Variants in SLC7A2 observed in about 807,000 individuals in gnomAD.
SLC7A2 encodes the protein solute carrier family 7 member 2.
SLC7A2 carries 48 observed loss-of-function variants against 58.9 expected under a neutral mutation model. The ratio of observed to expected loss-of-function variants is 0.82; its 90% CI spans 0.65 to 1.04. SLC7A2 has a LOEUF of 1.04. Among genes scored for constraint, SLC7A2 ranks in the 50% least tolerant of loss-of-function variants. The probability of loss-of-function intolerance (pLI) is 0.00; values close to 1 mark genes in which losing one functional copy is unlikely to be tolerated. For missense variants in SLC7A2, 1,029 were observed against 818.8 expected, an observed-to-expected ratio of 1.26 and a Z score of -3.13; for synonymous variants, 363 against 314.5, an observed-to-expected ratio of 1.15 and a Z score of -1.63.
chr8:17,494,915 T>G (rs13268582), upstream of SLC7A2, among the ~76,000 whole-genome samples: 60,161 of 152,074 alleles, frequency 0.4, 12,919 homozygotes, highest in East Asian at 0.55. Flanking sequence ...ACACAGCACG[T>G]TCTTGCTTCA....
rs778366067 is a variant in SLC7A2 at position 17,560,350 on chromosome 8, G to A, written c.1321G>A (p.Asp441Asn). ...TAGGTACCAGCCTGGCTTATCTTAC[G>A]ACCAGCCCAAATGTTCTCCTGAGAA... is the stretch of plus-strand genomic sequence containing the variant. ...ILRYQPGLSYDQPKCSPEKDG... is the reference protein window; with the variant it reads ...ILRYQPGLSYNQPKCSPEKDG... Residue 441 changes from aspartate (D) to asparagine (N), a missense_variant, in exon 10 of 13, where the codon GAC becomes AAC. By Grantham distance (23) the Asp-to-Asn change is conservative. Coordinates refer to ENST00000494857, the MANE Select transcript of SLC7A2 (RefSeq NM_001370338.1). The A allele has an allele frequency of 5.6e-6, 9 of 1,613,814 alleles. No individual in the cohort carries two copies. Among genetic ancestry groups the A allele is most frequent in the East Asian group, 2.2e-5 (1 of 44,882 alleles).
At chr8:17,549,624 A>C (rs1413711322) in intron 5 of SLC7A2, among the ~76,000 whole-genome samples, 3 of 152,184 alleles carry the variant, frequency 2.0e-5, no homozygotes, top group South Asian at 4.1e-4. Context: ...ATGCTTTAGT[A>C]ATCTTCAGAC....
chr8:17,502,681 G>T (rs1335917836), intron 2 of SLC7A2, among the ~76,000 whole-genome samples: 2 of 152,086 alleles, frequency 1.3e-5, no homozygotes, highest in East Asian at 3.9e-4. Flanking sequence ...ACAAGAAATT[G>T]ATTCACAGTT....
chr8:17,559,847 A>G (rs1585267989), intron 9 of SLC7A2, among the ~76,000 whole-genome samples: 1 of 152,244 alleles, frequency 6.6e-6, no homozygotes, highest in Admixed American at 6.5e-5. Context: ...AAGTGGCAGG[A>G]TGGTCAGATG....
At chr8:17,494,664 T>A (rs904958013), upstream of SLC7A2, among the ~76,000 whole-genome samples, 1 of 152,218 alleles carries the variant, frequency 6.6e-6, no homozygotes, top group East Asian at 1.9e-4. Flanking sequence ...CTTAAGAGAC[T>A]CATACTAAAT....
intron 2 of SLC7A2, among the ~76,000 whole-genome samples, chr8:17,535,506 C>T (rs999847804): frequency 3.9e-5 from 6 of 152,070 alleles, no homozygotes; most frequent in African/African-American, 9.7e-5. Context: ...GCAGGTGGCA[C>T]GAGGGAAGAA....
rs1283965280 is a variant in SLC7A2 at position 17,560,404 on chromosome 8, A to G, written c.1375A>G (p.Thr459Ala). 1.1e-5 allele frequency: 17 copies of G among 1,614,156 alleles called. No homozygotes were observed. Among genetic ancestry groups the G allele is most frequent in the Non-Finnish European group, 1.4e-5 (17 of 1,180,004 alleles). ...KDGLGSSPRV[T>A]SKSESQVTML... ...TGGTCTGGGATCGTCTCCCAGGGTA[A>G]CCTCGAAGAGTGAGTCCCAGGTCAC... The change falls in exon 10 of 13, where the codon ACC becomes GCC. Residue 459 changes from threonine (T) to alanine (A), a missense_variant. Thr to Ala is a moderately conservative substitution (Grantham distance 58). Transcript: ENST00000494857.
Position 17,551,847 on chromosome 8 carries a change from G to T in SLC7A2, c.916G>T (p.Val306Phe), listed in dbSNP as rs779023834. 4 of 1,613,758 alleles carry T rather than the reference G, an allele frequency of 2.5e-6. No individual in the cohort carries two copies. The highest frequency in any genetic ancestry group is 3.4e-6 in the Non-Finnish European group (4 of 1,179,998). ...LLVCFMAYFG[V>F]SAALTLMMPY... ...TGTTTGCTTTATGGCCTATTTTGGG[G>T]TCTCTGCAGCTTTAACACTTATGAT... The change falls in exon 7 of 13, where the codon GTC becomes TTC. Residue 306 changes from valine (V) to phenylalanine (F), a missense_variant. Val to Phe is a conservative substitution (Grantham distance 50, BLOSUM62 -1). Coordinates refer to ENST00000494857, the MANE Select transcript of SLC7A2 (RefSeq NM_001370338.1).
intron 2 of SLC7A2, among the ~76,000 whole-genome samples, chr8:17,522,751 G>T (rs1013724654): frequency 6.6e-6 from 1 of 151,994 alleles, no homozygotes; most frequent in African/African-American, 2.4e-5. Flanking sequence ...TAAAAGAGGG[G>T]TTGGCTGGGT....
At chr8:17,527,227 T>C (rs1430601427) in intron 2 of SLC7A2, among the ~76,000 whole-genome samples, 2 of 152,188 alleles carry the variant, frequency 1.3e-5, no homozygotes, top group Non-Finnish European at 2.9e-5. Flanking sequence ...ATAATCAGTG[T>C]AGCAAAATGG....
At chr8:17,523,644 T>A (rs183745410) in intron 2 of SLC7A2, among the ~76,000 whole-genome samples, 168 of 152,248 alleles carry the variant, frequency 1.1e-3, no homozygotes, top group Middle Eastern at 3.4e-3. Context: ...ATCTAAGACC[T>A]GAAATCATAA....
chr8:17,526,295 G>A (rs773492527), intron 2 of SLC7A2, among the ~76,000 whole-genome samples: 18 of 152,164 alleles, frequency 1.2e-4, no homozygotes, highest in Non-Finnish European at 1.3e-4. Context: ...CAAAGAAATG[G>A]TTGATTGGAA....
chr8:17,501,138 C>G (rs1428209747), intron 1 of SLC7A2, among the ~76,000 whole-genome samples: 1 of 151,986 alleles, frequency 6.6e-6, no homozygotes, highest in Non-Finnish European at 1.5e-5. Context: ...CTCAGCCTCC[C>G]GAGTAGCTGG....
chr8:17,494,168 G>GT (rs1181869302), upstream of SLC7A2, among the ~76,000 whole-genome samples: 43 of 152,306 alleles, frequency 2.8e-4, no homozygotes, highest in East Asian at 4.4e-3. Context: ...ATTAGAACTA[G>GT]TAAGAATCCA....
At chr8:17,550,497 T>G (rs368172972) in intron 6 of SLC7A2, 63 bp downstream of exon 6, 2 of 1,508,396 alleles carry the variant, frequency 1.3e-6, no homozygotes, top group African/African-American at 2.8e-5. Context: ...AGTACCCGTG[T>G]GTGGTAGCAG....
chr8:17,537,556 G>A (rs1801725285), intron 2 of SLC7A2, among the ~76,000 whole-genome samples: 1 of 152,134 alleles, frequency 6.6e-6, no homozygotes, highest in Non-Finnish European at 1.5e-5. Flanking sequence ...AGTGATCCTT[G>A]GCTTCGGGGT....
chr8:17,529,601 G>T lies in SLC7A2; in HGVS notation c.-22-13717G>T, dbSNP rs149080835. On this transcript the variant is annotated intron_variant, in intron 2 of 12. Transcript: ENST00000494857. ...GCTGGAGTGCAGTGATGTGATCTTG[G>T]CCCACTGCAACCTCTATCTACCTCC... is the stretch of plus-strand genomic sequence containing the variant. 1.0e-3 allele frequency among the ~76,000 whole-genome samples: 152 copies of T among 151,202 alleles called. 1 individual carries two copies. Among genetic ancestry groups the T allele is most frequent in the African/African-American group, 3.5e-3 (144 of 41,194 alleles).
Position 17,548,785 on chromosome 8 carries a change from A to G in SLC7A2, c.640A>G (p.Asn214Asp). The change falls in exon 5 of 13, where the codon AAT becomes GAT. Residue 214 changes from asparagine (N) to aspartate (D), a missense_variant. Physicochemically the swap from Asn to Asp is conservative, Grantham distance 23 (BLOSUM62 1). Coordinates refer to ENST00000494857, the MANE Select transcript of SLC7A2 (RefSeq NM_001370338.1). Reference protein sequence around the residue: ...FVMVAGFVKGNVANWKISEEF... With the variant: ...FVMVAGFVKGDVANWKISEEF... ...GATGGTTGCTGGGTTTGTGAAAGGA[A>G]ATGTGGCAAACTGGAAGATTAGTGA... 5 of 1,613,992 alleles carry G rather than the reference A, an allele frequency of 3.1e-6. No individual in the cohort carries two copies. The highest frequency in any genetic ancestry group is 4.2e-6 in the Non-Finnish European group (5 of 1,179,968).
rs1339975364 is a variant in SLC7A2, at chr8:17,565,211, G to A, written c.*65G>A. 3.2e-5 allele frequency: 41 copies of A among 1,287,446 alleles called. No individual in the cohort carries two copies. The highest frequency in any genetic ancestry group is 4.4e-5 in the Admixed American group (2 of 45,256). 79.8% of individuals were successfully genotyped at this position (1,287,446 alleles called of 1,614,324 possible). ...TATCCTACACTGAGTAAACCGTAAC[G>A]GGATGTCATCAGCATGCTGGGTTGT... On this transcript the variant is annotated 3_prime_UTR_variant, in exon 13 of 13. Transcript: ENST00000494857.
Sources: gnomAD v4.1 joint callset for allele counts (sites outside exome capture counted in the v4.1 genomes callset) on GRCh38, gnomAD v4.1.1 for gene constraint, MANE v1.5 for transcripts, NCBI Gene and HGNC (gene_info 2026-07-23, HGNC 2026-07-21) for gene names.